Variants in DPH6 observed in about 807,000 individuals in gnomAD.
The protein encoded by DPH6 is diphthamine biosynthesis 6, also known as diphthine--ammonia ligase.
DPH6 carries 33 observed loss-of-function variants against 38.2 expected under a neutral mutation model. The observed-to-expected ratio is 0.86, with a 90% confidence interval of 0.65 to 1.15. The LOEUF (loss-of-function observed/expected upper bound fraction) is 1.15. DPH6 is among the 50% of genes most tolerant of loss of function. DPH6 has a pLI of 0.00. For synonymous variants in DPH6, 108 were observed against 103.0 expected, an observed-to-expected ratio of 1.05 and a Z score of -0.30; for missense variants, 325 against 320.0, an observed-to-expected ratio of 1.02 and a Z score of -0.12.
At position 35,491,259 on chromosome 15, in the gene DPH6, A is replaced by T. The variant is rs544346091; in HGVS notation, c.313-36439T>A. 6.6e-4 allele frequency among the ~76,000 whole-genome samples: 101 copies of T among 152,212 alleles called. 2 individuals carry two copies. In the South Asian group the frequency reaches 0.021, roughly 31 times the overall value. On this transcript the variant is annotated intron_variant, in intron 3 of 8. Coordinates refer to ENST00000256538, the MANE Select transcript of DPH6 (RefSeq NM_080650.4). ...AAAAATTATACAATAAGGACAAAAA[A>T]GTTAATGAACGCCTACATAAAGTAC...
At chr15:35,180,180 T>C in the DPH6 span, among the ~76,000 whole-genome samples, 1 of 152,118 alleles carries the variant, frequency 6.6e-6, no homozygotes. Flanking sequence ...GCCATGAATA[T>C]ACATTACTAT....
chr15:35,427,167 A>AGTTTTATTTTGCATTGACCTCTGCT (rs2053580414), intron 5 of DPH6, among the ~76,000 whole-genome samples: 1 of 151,874 alleles, frequency 6.6e-6, no homozygotes, highest in Non-Finnish European at 1.5e-5. Flanking sequence ...AGTTTAGTTT[A>AGTTTTATTTTGCATTGACCTCTGCT]GTTTTATTTT....
In DPH6 at chr15:35,237,157, A is replaced by C. The variant is rs114551471; in HGVS notation, n.201-16575T>G. The stretch of plus-strand genomic sequence containing the variant: ...TACAAAAACCTCTCCCAGTTTCCTT[A>C]TTTAAAAATTCAGCATTAAAAGAAT... On this transcript the variant is annotated intron_variant and non_coding_transcript_variant, in intron 3 of 3. Transcript: ENST00000560386. 1.2e-3 allele frequency: 699 copies of C among 606,116 alleles called. 1 individual carries two copies. Among genetic ancestry groups the C allele is most frequent in the African/African-American group, 0.011 (618 of 54,096 alleles). 37.5% of individuals were successfully genotyped at this position (606,116 alleles called of 1,614,324 possible). A position where few individuals can be genotyped will look rare whatever the true frequency, so the allele number is the denominator to read the frequency against.
chr15:35,278,534 CA>C (rs2140433695), intron 3 of DPH6, among the ~76,000 whole-genome samples: 1 of 152,310 alleles, frequency 6.6e-6, no homozygotes, highest in Non-Finnish European at 1.5e-5. Flanking sequence ...ACAGAGTCCC[CA>C]CCAGGGCACT....
chr15:35,452,634 T>C (rs1249282221), intron 4 of DPH6, among the ~76,000 whole-genome samples: 4 of 152,186 alleles, frequency 2.6e-5, no homozygotes, highest in Non-Finnish European at 5.9e-5. Context: ...ACCTTCCTCA[T>C]TGCAGAGATT....
intron 5 of DPH6, among the ~76,000 whole-genome samples, chr15:35,436,749 TTAAG>T (rs1482500003): frequency 2.7e-5 from 2 of 73,480 alleles, no homozygotes; most frequent in African/African-American, 3.5e-5. Flanking sequence ...AGCCCTGCCT[TTAAG>T]TTTTTTTTTT....
chr15:35,287,557 C>A (rs1276992125), intron 3 of DPH6, among the ~76,000 whole-genome samples: 6 of 151,982 alleles, frequency 3.9e-5, no homozygotes. Flanking sequence ...GAGCTGTGCC[C>A]CAGGGTAATT....
At chr15:35,251,507 A>G (rs1363463033) in intron 3 of DPH6, among the ~76,000 whole-genome samples, 1 of 152,184 alleles carries the variant, frequency 6.6e-6, no homozygotes, top group Non-Finnish European at 1.5e-5. Flanking sequence ...GGTCTACAGG[A>G]TAAAACTCAA....
At chr15:35,367,377 C>G (rs1325398205), downstream of DPH6, among the ~76,000 whole-genome samples, 1 of 151,808 alleles carries the variant, frequency 6.6e-6, no homozygotes. Context: ...AAAACAACCT[C>G]ATAAGGAAGA....
chr15:35,276,811 A>G (rs978975172), intron 3 of DPH6, among the ~76,000 whole-genome samples: 2 of 152,170 alleles, frequency 1.3e-5, no homozygotes, highest in Non-Finnish European at 2.9e-5. Context: ...ATACAGTACC[A>G]TGCTGTTTTG....
intron 5 of DPH6, among the ~76,000 whole-genome samples, chr15:35,420,874 A>T (rs2141012835): frequency 6.6e-6 from 1 of 152,294 alleles, no homozygotes; most frequent in Non-Finnish European, 1.5e-5. Context: ...AGACTAAGAA[A>T]AACAGGGGCA....
intron 3 of DPH6, among the ~76,000 whole-genome samples, chr15:35,224,419 T>C (rs932974002): frequency 3.3e-4 from 50 of 152,322 alleles, no homozygotes; most frequent in African/African-American, 1.1e-3. Context: ...ATTTTAGCTT[T>C]GAATAATATT....
chr15:35,397,519 G>A (rs73378714), intron 6 of DPH6, among the ~76,000 whole-genome samples: 1,908 of 152,204 alleles, frequency 0.013, 38 homozygotes, highest in African/African-American at 0.044. Flanking sequence ...CACAGGAGAG[G>A]AGGTGACAGC....
intron 3 of DPH6, among the ~76,000 whole-genome samples, chr15:35,280,963 AATT>A (rs1434080574): frequency 2.6e-5 from 4 of 152,110 alleles, no homozygotes; most frequent in Admixed American, 6.6e-5. Context: ...GACTTTTTAA[AATT>A]ATTATACTTT....
intron 3 of DPH6, among the ~76,000 whole-genome samples, chr15:35,479,008 A>G (rs1186330668): frequency 1.3e-5 from 2 of 152,100 alleles, no homozygotes; most frequent in East Asian, 3.8e-4. Context: ...TTTGAAAGAC[A>G]TAATGGGCAG....
rs181772455 is a variant in DPH6 at position 35,391,190 on chromosome 15, C to A, written c.568-9274G>T. On this transcript the variant is annotated intron_variant, in intron 6 of 8. Coordinates refer to ENST00000256538, the MANE Select transcript of DPH6 (RefSeq NM_080650.4). ...AGAGCCACAAATGCTGCTGCCTGAT[C>A]GGTCCTCTGGAAGTTTTTTCTCAGA... Among the ~76,000 whole-genome samples, 79 of 152,256 alleles carry A rather than the reference C, an allele frequency of 5.2e-4. No homozygotes were observed. In the East Asian group the frequency reaches 0.014, roughly 27 times the overall value.
chr15:35,415,118 T>G (rs2053419434), intron 5 of DPH6, among the ~76,000 whole-genome samples: 1 of 151,930 alleles, frequency 6.6e-6, no homozygotes, highest in Non-Finnish European at 1.5e-5. Context: ...TCCAGTACAA[T>G]TACGTTTTTC....
intron 3 of DPH6, among the ~76,000 whole-genome samples, chr15:35,339,305 C>A (rs1198041791): frequency 1.3e-5 from 2 of 150,326 alleles, no homozygotes. Context: ...TTCATTTCTG[C>A]CTTAATTTCA....
At chr15:35,337,609 A>G (rs1282020209) in intron 3 of DPH6, among the ~76,000 whole-genome samples, 2 of 152,226 alleles carry the variant, frequency 1.3e-5, no homozygotes, top group Non-Finnish European at 2.9e-5. Flanking sequence ...ATACTGCCCA[A>G]GGTAATTTAT....
Sources: gnomAD v4.1 joint callset for allele counts (sites outside exome capture counted in the v4.1 genomes callset) on GRCh38, gnomAD v4.1.1 for gene constraint, MANE v1.5 for transcripts, NCBI Gene and HGNC (gene_info 2026-07-23, HGNC 2026-07-21) for gene names.